The following CFTR variants were observed in gnomAD, a reference collection of about 807,000 sequenced individuals.
CFTR encodes cystic fibrosis transmembrane conductance regulator.
A neutral mutation model predicts 171.6 loss-of-function variants in CFTR; 181 were observed. The ratio of observed to expected loss-of-function variants is 1.05; its 90% CI spans 0.93 to 1.19. The LOEUF is 1.19. CFTR is among the 50% of genes most tolerant of loss of function. The pLI is 0.00. For missense variants in CFTR, 1,968 were observed against 1,734.7 expected, an observed-to-expected ratio of 1.13 and a Z score of -2.39; for synonymous variants, 583 against 608.0, an observed-to-expected ratio of 0.96 and a Z score of 0.60.
At chr7:117,541,795 AATATC>A (rs1799056456) in intron 8 of CFTR, among the ~76,000 whole-genome samples, 1 of 152,208 alleles carries the variant, frequency 6.6e-6, no homozygotes. Context: ...AGTTTTATAA[AATATC>A]ATATGTTTAG....
intron 3 of CFTR, among the ~76,000 whole-genome samples, chr7:117,515,365 A>G (rs1798581453): frequency 6.6e-6 from 1 of 152,186 alleles, no homozygotes; most frequent in African/African-American, 2.4e-5. Context: ...AGTTTTATGC[A>G]TAATGGCTAG....
intron 24 of CFTR, among the ~76,000 whole-genome samples, chr7:117,655,645 T>C (rs1159261729): frequency 1.3e-5 from 2 of 152,208 alleles, no homozygotes; most frequent in Non-Finnish European, 2.9e-5. Context: ...ACTCATTACC[T>C]TGTTCCAAAG....
rs2116026041 is a variant in CFTR, at chr7:117,590,449, T to C, written c.1766+10T>C. 1 of 1,597,582 alleles carries C rather than the reference T, an allele frequency of 6.3e-7. No homozygotes were observed. Among genetic ancestry groups the C allele is most frequent in the East Asian group, 2.2e-5 (1 of 44,464 alleles). On this transcript the variant is annotated intron_variant, in intron 13 of 26. Transcript: ENST00000003084. ...AAGAAATATTTGAAAGGTATGTTCT[T>C]TGAATACCTTACTTATAATGCTCAT...
In CFTR at chr7:117,530,899, G is replaced by T. The variant is rs121908751; in HGVS notation, c.274G>T (p.Glu92Ter). 1.3e-6 allele frequency: 2 copies of T among 1,599,224 alleles called. No homozygotes were observed. The highest frequency in any genetic ancestry group is 1.7e-6 in the Non-Finnish European group (2 of 1,167,220). Residue 92 changes from glutamate to a stop codon, truncating the protein, a stop_gained and splice_region_variant, in exon 4 of 27, where the codon GAA becomes TAA. Transcript: ENST00000003084. LOFTEE classifies it high-confidence loss of function. ...MFYGIFLYLG[E>*]VTKAVQPLLL... is the part of the protein sequence containing the mutation. Reference sequence around the variant, plus strand: ...TTTCTCTGTTTTTCCCCTTTTGTAGGAAGTCACCAAAGCAGTACAGCCTCT... The same window carrying T: ...TTTCTCTGTTTTTCCCCTTTTGTAGTAAGTCACCAAAGCAGTACAGCCTCT...
chr7:117,623,050 G>T (rs1299387572), intron 21 of CFTR, among the ~76,000 whole-genome samples: 5 of 152,100 alleles, frequency 3.3e-5, no homozygotes, highest in African/African-American at 1.2e-4. Flanking sequence ...AGGTTTTGGA[G>T]AATAATAAAA....
intron 11 of CFTR, among the ~76,000 whole-genome samples, chr7:117,571,969 A>G (rs1034135085): frequency 2.0e-5 from 3 of 150,444 alleles, no homozygotes; most frequent in Admixed American, 1.3e-4. Flanking sequence ...GTCAGTTCCT[A>G]TCAGTGAAGG....
chr7:117,652,032 C>T (rs1793097215), intron 23 of CFTR, among the ~76,000 whole-genome samples: 1 of 152,146 alleles, frequency 6.6e-6, no homozygotes. Flanking sequence ...ACCCCAGGCA[C>T]AGAGAACTAA....
intron 3 of CFTR, among the ~76,000 whole-genome samples, chr7:117,513,014 T>C (rs1468313466): frequency 6.6e-6 from 1 of 152,168 alleles, no homozygotes; most frequent in East Asian, 1.9e-4. Flanking sequence ...CCCTTATGTT[T>C]GGATGAAAAC....
chr7:117,589,149 A>G (rs1791990878), intron 12 of CFTR, among the ~76,000 whole-genome samples: 1 of 152,018 alleles, frequency 6.6e-6, no homozygotes, highest in African/African-American at 2.4e-5. Context: ...TGTGTTGTCC[A>G]GTTTTGGATG....
At chr7:117,574,982 T>G (rs1007728103) in intron 11 of CFTR, among the ~76,000 whole-genome samples, 1 of 152,134 alleles carries the variant, frequency 6.6e-6, no homozygotes, top group Non-Finnish European at 1.5e-5. Context: ...GTGTCACATT[T>G]TATTTATACC....
chr7:117,588,451 AAC>A (rs1791978668), intron 12 of CFTR, among the ~76,000 whole-genome samples: 1 of 152,130 alleles, frequency 6.6e-6, no homozygotes. Flanking sequence ...GTTAAACTGT[AAC>A]TTTCAGTTTA....
At chr7:117,505,939 A>G (rs1164795899) in intron 2 of CFTR, among the ~76,000 whole-genome samples, 1 of 152,192 alleles carries the variant, frequency 6.6e-6, no homozygotes, top group Non-Finnish European at 1.5e-5. Flanking sequence ...GCCAGCTTCT[A>G]TTATTGAACA....
At chr7:117,660,566 G>A (rs1047656886) in intron 24 of CFTR, among the ~76,000 whole-genome samples, 2 of 151,944 alleles carry the variant, frequency 1.3e-5, no homozygotes, top group African/African-American at 2.4e-5. Flanking sequence ...GGAGTCGGAG[G>A]TTGCAGTGAG....
At chr7:117,565,578 T>G (rs573884958) in intron 11 of CFTR, among the ~76,000 whole-genome samples, 1 of 152,148 alleles carries the variant, frequency 6.6e-6, no homozygotes, top group South Asian at 2.1e-4. Context: ...GGTCAGAGCT[T>G]TAGGATATAT....
At chr7:117,481,942 C>G (rs922622772) in intron 1 of CFTR, among the ~76,000 whole-genome samples, 1 of 152,104 alleles carries the variant, frequency 6.6e-6, no homozygotes, top group African/African-American at 2.4e-5. Context: ...TGTGACTTGA[C>G]CTTTAAAATT....
At chr7:117,561,713 T>C (rs1375660209) in intron 11 of CFTR, among the ~76,000 whole-genome samples, 2 of 152,194 alleles carry the variant, frequency 1.3e-5, no homozygotes, top group African/African-American at 2.4e-5. Context: ...ATGAATCATA[T>C]ACTTCGGGAA....
intron 6 of CFTR, 39 bp from the exon 7 acceptor site, chr7:117,536,509 C>T (rs1485072412): frequency 6.5e-7 from 1 of 1,537,770 alleles, no homozygotes; most frequent in Admixed American, 2.0e-5. Flanking sequence ...CTTGTTTTTA[C>T]TATTAGATTG....
At chr7:117,517,342 A>T (rs1798611013) in intron 3 of CFTR, among the ~76,000 whole-genome samples, 1 of 152,084 alleles carries the variant, frequency 6.6e-6, no homozygotes, top group Non-Finnish European at 1.5e-5. Context: ...TTTGCTGAGA[A>T]TGATGGTTTC....
At chr7:117,512,940 T>C (rs1798543898) in intron 3 of CFTR, among the ~76,000 whole-genome samples, 1 of 152,120 alleles carries the variant, frequency 6.6e-6, no homozygotes, top group Non-Finnish European at 1.5e-5. Flanking sequence ...TTAAAGGACA[T>C]ACAGGAGAAG....
Sources: allele counts gnomAD v4.1 joint callset (sites outside exome capture counted in the v4.1 genomes callset), GRCh38; gene constraint gnomAD v4.1.1; transcripts MANE v1.5; gene names NCBI Gene and HGNC (gene_info 2026-07-23, HGNC 2026-07-21).